Variants in TMEM132D observed in about 807,000 individuals in gnomAD.
TMEM132D encodes transmembrane protein 132D.
TMEM132D carries 21 observed loss-of-function variants against 62.3 expected under a neutral mutation model. The observed-to-expected ratio is 0.34, with a 90% CI of 0.24 to 0.49. The LOEUF (loss-of-function observed/expected upper bound fraction) is 0.49. Ranked by LOEUF, TMEM132D falls within the 20% of genes least tolerant of loss-of-function variation. TMEM132D has a pLI of 0.99. For synonymous variants in TMEM132D, 621 were observed against 575.6 expected (o/e 1.08, Z -1.13); for missense variants, 1,346 against 1,402.8 (o/e 0.96, Z 0.65).
intron 3 of TMEM132D, among the ~76,000 whole-genome samples, chr12:129,396,063 A>G (rs1430592969): frequency 6.7e-6 from 1 of 149,154 alleles, no homozygotes; most frequent in Non-Finnish European, 1.5e-5. Context: ...TTATATGTCT[A>G]TATATTATGT....
At chr12:129,254,400 TC>T (rs1880349426) in intron 4 of TMEM132D, among the ~76,000 whole-genome samples, 1 of 152,210 alleles carries the variant, frequency 6.6e-6, no homozygotes, top group Non-Finnish European at 1.5e-5. Context: ...CTTCTTAGCG[TC>T]CTTGAGAAGT....
intron 1 of TMEM132D, among the ~76,000 whole-genome samples, chr12:129,724,096 C>T (rs11060512): frequency 0.25 from 38,342 of 152,092 alleles, 5,554 homozygotes; most frequent in Admixed American, 0.34. Context: ...GGAGGAGATG[C>T]CACGTTTGAG....
At chr12:129,434,593 T>C (rs1287744621) in intron 3 of TMEM132D, among the ~76,000 whole-genome samples, 2 of 151,508 alleles carry the variant, frequency 1.3e-5, no homozygotes, top group Admixed American at 6.6e-5. Flanking sequence ...CCAGAGGAGG[T>C]AAGTCCTGAG....
intron 3 of TMEM132D, among the ~76,000 whole-genome samples, chr12:129,423,651 G>T (rs79270284): frequency 1.3e-5 from 2 of 152,136 alleles, no homozygotes; most frequent in Non-Finnish European, 2.9e-5. Context: ...GACGGGAAAG[G>T]GAAGCGCTTG....
At chr12:129,171,186 C>G (rs887016523) in intron 5 of TMEM132D, among the ~76,000 whole-genome samples, 53 of 152,204 alleles carry the variant, frequency 3.5e-4, no homozygotes, top group Non-Finnish European at 8.8e-5. Context: ...GTATCTTCCC[C>G]AGGAGTAGAT....
intron 3 of TMEM132D, among the ~76,000 whole-genome samples, chr12:129,369,673 G>A (rs1218873128): frequency 6.6e-6 from 1 of 152,236 alleles, no homozygotes; most frequent in East Asian, 1.9e-4. Flanking sequence ...CTGCCAGAGG[G>A]CTAATTTGCA....
chr12:129,129,791 G>A (rs964222610), intron 5 of TMEM132D, among the ~76,000 whole-genome samples: 1 of 152,036 alleles, frequency 6.6e-6, no homozygotes, highest in Admixed American at 6.6e-5. Flanking sequence ...TATGTCTTCT[G>A]CTGAGAAGTG....
intron 3 of TMEM132D, among the ~76,000 whole-genome samples, chr12:129,500,159 C>G (rs1360735666): frequency 6.9e-6 from 1 of 144,140 alleles, no homozygotes; most frequent in Non-Finnish European, 1.5e-5. Flanking sequence ...AGTGGGGAGG[C>G]AATTCACCGG....
At chr12:129,161,430 G>A (rs1396941099) in intron 5 of TMEM132D, among the ~76,000 whole-genome samples, 7 of 152,140 alleles carry the variant, frequency 4.6e-5, no homozygotes, top group East Asian at 1.9e-4. Context: ...TATCGTAACC[G>A]ACTTATCTCA....
At chr12:129,821,818 G>C (rs1296681356) in intron 1 of TMEM132D, among the ~76,000 whole-genome samples, 1 of 152,206 alleles carries the variant, frequency 6.6e-6, no homozygotes, top group Non-Finnish European at 1.5e-5. Flanking sequence ...CAGGAGATGT[G>C]ATACTGGTCA....
chr12:129,519,470 G>C (rs898550144), intron 3 of TMEM132D, among the ~76,000 whole-genome samples: 1 of 152,120 alleles, frequency 6.6e-6, no homozygotes, highest in Non-Finnish European at 1.5e-5. Context: ...TGTTTTGAAA[G>C]CCGCATTTCA....
At chr12:129,188,336 C>T (rs76618346) in intron 5 of TMEM132D, among the ~76,000 whole-genome samples, 7 of 152,134 alleles carry the variant, frequency 4.6e-5, no homozygotes, top group Non-Finnish European at 8.8e-5. Context: ...AAGCCACCAA[C>T]GTATGCATGA....
At chr12:129,273,863 T>C (rs1880928156) in intron 4 of TMEM132D, among the ~76,000 whole-genome samples, 1 of 150,514 alleles carries the variant, frequency 6.6e-6, no homozygotes, top group South Asian at 2.1e-4. Flanking sequence ...CATCACACAA[T>C]ATACCCATAT....
chr12:129,884,633 T>C (rs1008440040), intron 1 of TMEM132D, among the ~76,000 whole-genome samples: 1 of 152,248 alleles, frequency 6.6e-6, no homozygotes, highest in African/African-American at 2.4e-5. Context: ...TTGGCAAGAA[T>C]GTGGAACAGC....
intron 1 of TMEM132D, among the ~76,000 whole-genome samples, chr12:129,754,542 C>T (rs986754668): frequency 6.6e-6 from 1 of 152,090 alleles, no homozygotes; most frequent in African/African-American, 2.4e-5. Flanking sequence ...AGATGGGGTT[C>T]TTGGATGATG....
intron 1 of TMEM132D, among the ~76,000 whole-genome samples, chr12:129,796,793 G>T (rs1422434146): frequency 6.6e-6 from 1 of 152,126 alleles, no homozygotes; most frequent in African/African-American, 2.4e-5. Flanking sequence ...ACGAGTTGAT[G>T]GGTGCAGCAA....
chr12:129,484,060 C>T (rs1420563100), intron 3 of TMEM132D, among the ~76,000 whole-genome samples: 1 of 152,142 alleles, frequency 6.6e-6, no homozygotes, highest in Non-Finnish European at 1.5e-5. Context: ...ACCTTCACCT[C>T]CCGGGTTCAA....
At position 129,081,975 on chromosome 12, in the gene TMEM132D, G is replaced by C. The variant is rs1182571823; in HGVS notation, c.1707C>G (p.Thr569=). 6.2e-7 allele frequency: 1 copy of C among 1,613,590 alleles called. No homozygotes were observed. The highest frequency in any genetic ancestry group is 2.2e-5 in the East Asian group (1 of 44,854). Residue 569 remains threonine (T), a synonymous_variant, in exon 7 of 9, where the codon ACC becomes ACG. Coordinates refer to ENST00000422113, the MANE Select transcript of TMEM132D (RefSeq NM_133448.3). ...EDDERRGRGC[T]LQYQHAMVRV... is the part of the protein sequence containing the mutation. Reference sequence around the variant, plus strand: ...GCACCATGGCGTGCTGGTACTGCAGGGTGCAGCCGCGGCCCCTCCGCTCAT... The same window carrying C: ...GCACCATGGCGTGCTGGTACTGCAGCGTGCAGCCGCGGCCCCTCCGCTCAT...
chr12:129,530,716 G>T (rs554117048), intron 3 of TMEM132D, among the ~76,000 whole-genome samples: 1 of 152,106 alleles, frequency 6.6e-6, no homozygotes, highest in African/African-American at 2.4e-5. Context: ...AAAATGGGCC[G>T]TTTCATGAGA....
Sources: allele counts gnomAD v4.1 joint callset (sites outside exome capture counted in the v4.1 genomes callset), GRCh38; gene constraint gnomAD v4.1.1; transcripts MANE v1.5; gene names NCBI Gene and HGNC (gene_info 2026-07-23, HGNC 2026-07-21).